Variants in CPNE8 observed in about 807,000 individuals in gnomAD.
CPNE8 encodes copine-8.
Under a neutral mutation model 81.5 loss-of-function variants are expected in CPNE8, and 45 were observed. The observed-to-expected ratio is 0.55, with a 90% CI of 0.44 to 0.71. The LOEUF (loss-of-function observed/expected upper bound fraction) is 0.71, where lower values mean the gene tolerates loss of function less well. CPNE8 is among the 30% of genes least tolerant of loss of function. The pLI is 0.00. For synonymous variants in CPNE8, 252 were observed against 226.3 expected, an observed-to-expected ratio of 1.11 and a Z score of -1.02; for missense variants, 594 against 672.1, an observed-to-expected ratio of 0.88 and a Z score of 1.28.
intron 15 of CPNE8, among the ~76,000 whole-genome samples, chr12:38,688,243 G>A (rs1241586046): frequency 6.6e-6 from 1 of 152,106 alleles, no homozygotes; most frequent in Non-Finnish European, 1.5e-5. Flanking sequence ...CTTTGAGAAT[G>A]GAAAGGTAAT....
chr12:38,669,574 T>C (rs892633497), intron 19 of CPNE8, among the ~76,000 whole-genome samples: 1 of 152,190 alleles, frequency 6.6e-6, no homozygotes, highest in African/African-American at 2.4e-5. Context: ...CACAGTCACC[T>C]TGGGCAAACA....
chr12:38,854,433 C>T (rs974529274), intron 3 of CPNE8, among the ~76,000 whole-genome samples: 10 of 116,124 alleles, frequency 8.6e-5, no homozygotes, highest in African/African-American at 3.7e-4. Flanking sequence ...CCCTGACTAA[C>T]ACACCCTGAT....
intron 14 of CPNE8, among the ~76,000 whole-genome samples, chr12:38,694,508 G>A (rs562568943): frequency 6.6e-6 from 1 of 152,146 alleles, no homozygotes; most frequent in Non-Finnish European, 1.5e-5. Flanking sequence ...GTTTAAAAGT[G>A]ATTAAAAATA....
chr12:38,663,804 A>T (rs1939008435), intron 19 of CPNE8, among the ~76,000 whole-genome samples: 2 of 152,198 alleles, frequency 1.3e-5, no homozygotes, highest in Non-Finnish European at 2.9e-5. Flanking sequence ...ATAAAAAATG[A>T]AATTCTGTCA....
intron 18 of CPNE8, among the ~76,000 whole-genome samples, chr12:38,674,592 C>T (rs1427155030): frequency 6.6e-6 from 1 of 151,924 alleles, no homozygotes; most frequent in Non-Finnish European, 1.5e-5. Context: ...CAAGTAGATG[C>T]TAATAGAGAT....
chr12:38,799,238 G>A (rs1015336200), intron 6 of CPNE8, among the ~76,000 whole-genome samples: 2 of 152,058 alleles, frequency 1.3e-5, no homozygotes, highest in African/African-American at 4.8e-5. Flanking sequence ...TAAATCAACA[G>A]AATATACATT....
intron 16 of CPNE8, chr12:38,679,819 AT>A: frequency 2.5e-6 from 1 of 408,088 alleles, no homozygotes; most frequent in Non-Finnish European, 3.3e-6. Context: ...AAAATATTAT[AT>A]ATTTAAGATA....
intron 10 of CPNE8, among the ~76,000 whole-genome samples, chr12:38,743,835 C>A (rs879065023): frequency 1.3e-5 from 2 of 151,796 alleles, no homozygotes; most frequent in Non-Finnish European, 2.9e-5. Flanking sequence ...GTAATTCAAT[C>A]AAAAAAATTT....
At chr12:38,732,219 T>C (rs1448258707) in intron 10 of CPNE8, among the ~76,000 whole-genome samples, 1 of 151,934 alleles carries the variant, frequency 6.6e-6, no homozygotes, top group Non-Finnish European at 1.5e-5. Flanking sequence ...TCTTAATTGT[T>C]AACACTTAAT....
intron 19 of CPNE8, among the ~76,000 whole-genome samples, chr12:38,657,584 C>A (rs976214735): frequency 6.6e-6 from 1 of 152,136 alleles, no homozygotes; most frequent in African/African-American, 2.4e-5. Flanking sequence ...CAAGTGGGTC[C>A]CTGACCCCCG....
intron 10 of CPNE8, among the ~76,000 whole-genome samples, chr12:38,747,518 TA>T (rs1008009191): frequency 6.6e-6 from 1 of 152,094 alleles, no homozygotes; most frequent in Admixed American, 6.5e-5. Flanking sequence ...AAAAAAGGAG[TA>T]AAAAGTGTAT....
chr12:38,689,212 G>T (rs529595781), intron 15 of CPNE8, among the ~76,000 whole-genome samples: 5 of 152,252 alleles, frequency 3.3e-5, no homozygotes, highest in Middle Eastern at 3.4e-3. Flanking sequence ...ATGTTAACTT[G>T]TAGAACACAT....
chr12:38,811,237 T>C (rs1236282789), intron 6 of CPNE8, among the ~76,000 whole-genome samples: 2 of 151,692 alleles, frequency 1.3e-5, no homozygotes, highest in Non-Finnish European at 2.9e-5. Flanking sequence ...ACCTAAAAAC[T>C]ACTAAAAAAG....
At chr12:38,763,468 T>A (rs1442136458) in intron 8 of CPNE8, among the ~76,000 whole-genome samples, 4 of 152,214 alleles carry the variant, frequency 2.6e-5, no homozygotes. Flanking sequence ...AAGTTTAACA[T>A]CACGTCATGA....
intron 3 of CPNE8, among the ~76,000 whole-genome samples, chr12:38,869,962 C>T (rs1943967039): frequency 6.6e-6 from 1 of 152,152 alleles, no homozygotes; most frequent in South Asian, 2.1e-4. Flanking sequence ...TCTTTCCAAG[C>T]CAAGCATAAG....
chr12:38,750,486 G>A (rs542263938), intron 10 of CPNE8, among the ~76,000 whole-genome samples: 14 of 152,316 alleles, frequency 9.2e-5, no homozygotes, highest in African/African-American at 3.1e-4. Context: ...CAAAGCTGCA[G>A]AGGTGGAGCT....
chr12:38,842,160 C>T (rs1943479198), intron 4 of CPNE8, among the ~76,000 whole-genome samples: 1 of 152,034 alleles, frequency 6.6e-6, no homozygotes, highest in Non-Finnish European at 1.5e-5. Flanking sequence ...AAATTGCCAA[C>T]ATTTACTGTA....
intron 5 of CPNE8, among the ~76,000 whole-genome samples, chr12:38,838,602 T>C (rs186670790): frequency 6.6e-6 from 1 of 152,302 alleles, no homozygotes; most frequent in East Asian, 1.9e-4. Context: ...TGTAAATGTC[T>C]AGTCACAATG....
At chr12:38,786,577 G>T (rs1034339929) in intron 6 of CPNE8, among the ~76,000 whole-genome samples, 1 of 152,074 alleles carries the variant, frequency 6.6e-6, no homozygotes, top group Non-Finnish European at 1.5e-5. Context: ...ATGGGACTTT[G>T]TGATCGTGTG....
Sources: allele counts gnomAD v4.1 joint callset (sites outside exome capture counted in the v4.1 genomes callset), GRCh38; gene constraint gnomAD v4.1.1; transcripts MANE v1.5; gene names NCBI Gene and HGNC (gene_info 2026-07-23, HGNC 2026-07-21).